The following SERPINI1 variants were observed in gnomAD, a reference collection of about 807,000 sequenced individuals.
SERPINI1 encodes serpin family I member 1, also known as neuroserpin.
A neutral mutation model predicts 41.1 loss-of-function variants in SERPINI1; 19 were observed. The ratio of observed to expected loss-of-function variants is 0.46; its 90% CI spans 0.32 to 0.68. The LOEUF (loss-of-function observed/expected upper bound fraction) is 0.68, where lower values mean the gene tolerates loss of function less well. Among genes scored for constraint, SERPINI1 ranks in the 30% least tolerant of loss-of-function variants. SERPINI1 has a pLI of 0.03. For synonymous variants in SERPINI1, 138 were observed against 156.6 expected (o/e 0.88, Z 0.89); for missense variants, 460 against 479.2 (o/e 0.96, Z 0.37).
chr3:167,811,184 T>C (rs1414958169), intron 6 of SERPINI1, among the ~76,000 whole-genome samples: 10 of 151,206 alleles, frequency 6.6e-5, no homozygotes, highest in African/African-American at 1.7e-4. Flanking sequence ...AGTGTTTTTA[T>C]TGGCATCTAG....
chr3:167,770,181 A>G (rs1332393470), intron 1 of SERPINI1, among the ~76,000 whole-genome samples: 1 of 151,806 alleles, frequency 6.6e-6, no homozygotes, highest in Non-Finnish European at 1.5e-5. Flanking sequence ...GTATGTATAT[A>G]TTTACATATG....
chr3:167,822,161 T>C (rs1577437731), intron 6 of SERPINI1, among the ~76,000 whole-genome samples: 1 of 152,240 alleles, frequency 6.6e-6, no homozygotes, highest in South Asian at 2.1e-4. Context: ...GCCTTCCCTC[T>C]GTACCTGTCT....
chr3:167,763,511 C>T (rs1726455683), intron 1 of SERPINI1, among the ~76,000 whole-genome samples: 1 of 152,080 alleles, frequency 6.6e-6, no homozygotes, highest in South Asian at 2.1e-4. Flanking sequence ...TCCCAAGTAA[C>T]TGGAAACACA....
intron 1 of SERPINI1, among the ~76,000 whole-genome samples, chr3:167,757,707 T>A (rs901675694): frequency 1.3e-5 from 2 of 152,090 alleles, no homozygotes; most frequent in Non-Finnish European, 2.9e-5. Flanking sequence ...TCACTTGAGT[T>A]CAGGGGTTTG....
chr3:167,776,525 A>G (rs1429033634), intron 1 of SERPINI1, among the ~76,000 whole-genome samples: 1 of 152,202 alleles, frequency 6.6e-6, no homozygotes. Flanking sequence ...AAATAAAAAT[A>G]TCTTAGCTAA....
At chr3:167,816,043 T>G (rs946581936) in intron 6 of SERPINI1, among the ~76,000 whole-genome samples, 5 of 152,180 alleles carry the variant, frequency 3.3e-5, no homozygotes, top group African/African-American at 1.2e-4. Context: ...AAGAATAAAC[T>G]TAAAAAGAAT....
intron 6 of SERPINI1, among the ~76,000 whole-genome samples, chr3:167,814,533 G>A (rs373655225): frequency 1.2e-4 from 18 of 152,282 alleles, no homozygotes; most frequent in South Asian, 2.1e-4. Flanking sequence ...TAAGCATGCC[G>A]TTCATGACGC....
chr3:167,746,985 T>C (rs553482034), intron 1 of SERPINI1, among the ~76,000 whole-genome samples: 2 of 152,328 alleles, frequency 1.3e-5, no homozygotes, highest in African/African-American at 4.8e-5. Flanking sequence ...TCCACAGGTG[T>C]TCATAACAGC....
chr3:167,789,128 T>C lies in SERPINI1; in HGVS notation c.-1T>C. The C allele has an allele frequency of 6.2e-7, 1 of 1,613,916 alleles. No homozygotes were observed. The highest frequency in any genetic ancestry group is 8.5e-7 in the Non-Finnish European group (1 of 1,179,982). ...TTTTTTAGGCTTGAAACTGTTACAA[T>C]ATGGCTTTCCTTGGACTCTTCTCTT... On this transcript the variant is annotated 5_prime_UTR_variant, in exon 2 of 9. Transcript: ENST00000446050.
rs528869353 is a variant in SERPINI1, at chr3:167,802,124, T to G, written c.882-5120T>G. 1.3e-4 allele frequency among the ~76,000 whole-genome samples: 19 copies of G among 151,932 alleles called. No homozygotes were observed. In the East Asian group the frequency reaches 1.9e-3, roughly 15 times the overall value. On this transcript the variant is annotated intron_variant, in intron 5 of 8. Coordinates refer to ENST00000446050, the MANE Select transcript of SERPINI1 (RefSeq NM_001122752.2). ...TCCTTACACCTTATACAAAAATCAA[T>G]TCAAGATGGATTAAAGACTTAAACG...
intron 4 of SERPINI1, 29 bp from the exon 5 acceptor site, chr3:167,794,591 A>G (rs779449254): frequency 1.9e-6 from 3 of 1,600,014 alleles, no homozygotes; most frequent in Non-Finnish European, 2.6e-6. Context: ...TTTGATAGGC[A>G]TCTTTTATGG....
intron 5 of SERPINI1, among the ~76,000 whole-genome samples, chr3:167,804,652 G>C (rs764569779): frequency 5.9e-5 from 9 of 151,862 alleles, no homozygotes; most frequent in Admixed American, 6.6e-5. Flanking sequence ...CAGCAATAAA[G>C]TGAGACCCAC....
chr3:167,800,770 A>G (rs1727872739), intron 5 of SERPINI1, among the ~76,000 whole-genome samples: 1 of 146,266 alleles, frequency 6.8e-6, no homozygotes, highest in South Asian at 2.1e-4. Flanking sequence ...AAACTACATA[A>G]GTCGTCTGCT....
At chr3:167,771,042 A>C (rs1726732212) in intron 1 of SERPINI1, among the ~76,000 whole-genome samples, 1 of 152,068 alleles carries the variant, frequency 6.6e-6, no homozygotes, top group South Asian at 2.1e-4. Flanking sequence ...TTTTGTATAG[A>C]TCCTTCTTAT....
chr3:167,792,108 C>T (rs71304654), intron 3 of SERPINI1, among the ~76,000 whole-genome samples: 19,240 of 152,014 alleles, frequency 0.13, 1,464 homozygotes, highest in African/African-American at 0.21. Context: ...CTAGGTGACA[C>T]AGAGAGACTG....
intron 1 of SERPINI1, among the ~76,000 whole-genome samples, chr3:167,750,292 G>T (rs2108534276): frequency 6.6e-6 from 1 of 152,210 alleles, no homozygotes; most frequent in South Asian, 2.1e-4. Flanking sequence ...CATATGAAAT[G>T]ATTAATTACA....
chr3:167,778,949 G>C (rs1340746410), intron 1 of SERPINI1, among the ~76,000 whole-genome samples: 1 of 152,226 alleles, frequency 6.6e-6, no homozygotes, highest in Non-Finnish European at 1.5e-5. Context: ...AGCTGTGTTA[G>C]ATTCATCCTG....
At chr3:167,819,415 AG>A (rs1712234571) in intron 6 of SERPINI1, among the ~76,000 whole-genome samples, 1 of 152,206 alleles carries the variant, frequency 6.6e-6, no homozygotes, top group African/African-American at 2.4e-5. Flanking sequence ...TTTGGATTTG[AG>A]GGAGCTAATT....
At chr3:167,785,373 A>C (rs1221123761) in intron 1 of SERPINI1, among the ~76,000 whole-genome samples, 1 of 152,240 alleles carries the variant, frequency 6.6e-6, no homozygotes, top group Non-Finnish European at 1.5e-5. Context: ...GCTGAGGGTC[A>C]AACAGCATGA....
Sources: allele counts gnomAD v4.1 joint callset (sites outside exome capture counted in the v4.1 genomes callset), GRCh38; gene constraint gnomAD v4.1.1; transcripts MANE v1.5; gene names NCBI Gene and HGNC (gene_info 2026-07-23, HGNC 2026-07-21).